The following GSE1 variants were observed in gnomAD, a reference collection of about 807,000 sequenced individuals.
GSE1 encodes the protein genetic suppressor element 1.
Under a neutral mutation model 112.6 loss-of-function variants are expected in GSE1, and 32 were observed. The ratio of observed to expected loss-of-function variants is 0.28; its 90% CI spans 0.21 to 0.38. The LOEUF (loss-of-function observed/expected upper bound fraction) is 0.38. Ranked by LOEUF, GSE1 falls within the 10% of genes least tolerant of loss-of-function variation. GSE1 has a pLI of 1.00. For synonymous variants in GSE1, 1,115 were observed against 735.6 expected, an observed-to-expected ratio of 1.52 and a Z score of -8.35; for missense variants, 2,348 against 1,699.2, an observed-to-expected ratio of 1.38 and a Z score of -6.71.
intron 1 of GSE1, among the ~76,000 whole-genome samples, chr16:85,229,725 G>A (rs762304295): frequency 2.0e-5 from 3 of 152,210 alleles, no homozygotes; most frequent in Admixed American, 6.5e-5. Context: ...AGAGTGGAAA[G>A]CGCAGTTCGC....
chr16:85,191,195 G>C (rs941947843), intron 1 of GSE1, among the ~76,000 whole-genome samples: 39 of 152,284 alleles, frequency 2.6e-4, no homozygotes, highest in African/African-American at 9.4e-4. Context: ...GGGAAGCAGA[G>C]GCTGCAGTGA....
In GSE1 at chr16:85,507,509, A is replaced by G. The variant is rs368160125; in HGVS notation, c.2465-126405A>G. 2.9e-4 allele frequency among the ~76,000 whole-genome samples: 44 copies of G among 152,360 alleles called. 1 individual carries two copies. The South Asian group carries it at 8.9e-3, about 31-fold the overall frequency. Reference sequence around the variant, plus strand: ...GTTGGGGCTGCCATGGCAAAATGCCACACTCTGGCTTGAACAATAGAAATC... The same window carrying G: ...GTTGGGGCTGCCATGGCAAAATGCCGCACTCTGGCTTGAACAATAGAAATC... On this transcript the variant is annotated intron_variant, in intron 2 of 2. Coordinates refer to the GSE1 transcript ENST00000637419.
At chr16:85,620,832 C>T (rs563747825) in intron 1 of GSE1, among the ~76,000 whole-genome samples, 4 of 152,096 alleles carry the variant, frequency 2.6e-5, no homozygotes, top group African/African-American at 9.7e-5. Context: ...TTGGGGAAGC[C>T]GTGTAGATGG....
chr16:85,633,905 C>T lies in GSE1; in HGVS notation c.8-9C>T. On this transcript the variant is annotated splice_polypyrimidine_tract_variant and intron_variant, in intron 1 of 15. Coordinates refer to ENST00000253458, the MANE Select transcript of GSE1 (RefSeq NM_014615.5). ...TGGGTGACCTCTGGTTCTTCTTTTC[C>T]TGTTTCAGGCATGAGCCATGAGCCC... is the stretch of plus-strand genomic sequence containing the variant. The T allele has an allele frequency of 1.2e-6, 2 of 1,604,758 alleles. No individual in the cohort carries two copies. Among genetic ancestry groups the T allele is most frequent in the Non-Finnish European group, 1.7e-6 (2 of 1,174,972 alleles).
rs1195428716 is a variant in GSE1, at chr16:85,419,786, G to C, written c.2464+62143G>C. Among the ~76,000 whole-genome samples, 1 of 149,458 alleles carries C rather than the reference G, an allele frequency of 6.7e-6. No individual in the cohort carries two copies. Among genetic ancestry groups the C allele is most frequent in the Non-Finnish European group, 1.5e-5 (1 of 67,404 alleles). On this transcript the variant is annotated intron_variant, in intron 2 of 2. Transcript: ENST00000637419. This position sits in a 1 kb window ranked among gnomAD's most constrained non-coding sequence, Gnocchi z 6.5. ...CCCGCCCCCACCCCTCCAAGACTCT[G>C]ATGGAAATGGTCCGAGTAGGGCTTC...
chr16:85,542,071 G>A (rs576576211), intron 2 of GSE1, among the ~76,000 whole-genome samples: 12 of 151,860 alleles, frequency 7.9e-5, no homozygotes, highest in African/African-American at 2.9e-4. Context: ...GCCTTCAGCT[G>A]CCCTGCCCCA....
At chr16:85,505,681 C>G (rs894168608) in intron 2 of GSE1, among the ~76,000 whole-genome samples, 1 of 152,068 alleles carries the variant, frequency 6.6e-6, no homozygotes, top group African/African-American at 2.4e-5. Context: ...TGATTGTGAT[C>G]ATGATCACAG....
chr16:85,655,595 C>T, intron 5 of GSE1, 131 bp from the exon 6 acceptor site: 1 of 614,194 alleles, frequency 1.6e-6, no homozygotes, highest in Non-Finnish European at 2.9e-6. Flanking sequence ...GCATGGTCTT[C>T]ATCCCCAGCC....
intron 3 of GSE1, 149 bp from the exon 4 acceptor site, chr16:85,654,129 A>ATGTGG (rs2051691488): frequency 1.4e-6 from 1 of 712,126 alleles, no homozygotes; most frequent in Admixed American, 2.8e-5. Context: ...CACATGCACC[A>ATGTGG]TGTTTTGCGT....
chr16:85,480,967 C>T lies in GSE1; in HGVS notation c.2464+123324C>T, dbSNP rs572447202. Among the ~76,000 whole-genome samples, 13 of 152,394 alleles carry T rather than the reference C, an allele frequency of 8.5e-5. No homozygotes were observed. The South Asian group carries it at 2.3e-3, about 27-fold the overall frequency. Reference sequence around the variant, plus strand: ...TGCAGAACCGCAGGTCTTCCACCCCCTCCTGGGACAGCGTGTGCTGCCTTT... The same window carrying T: ...TGCAGAACCGCAGGTCTTCCACCCCTTCCTGGGACAGCGTGTGCTGCCTTT... On this transcript the variant is annotated intron_variant, in intron 2 of 2. Transcript: ENST00000637419.
At chr16:85,614,961 A>G (rs1172308801) in intron 1 of GSE1, among the ~76,000 whole-genome samples, 1 of 152,194 alleles carries the variant, frequency 6.6e-6, no homozygotes, top group Non-Finnish European at 1.5e-5. Context: ...GGCAGAGAGA[A>G]GGTCTTGGTG....
At chr16:85,476,438 G>A (rs1394022308) in intron 2 of GSE1, among the ~76,000 whole-genome samples, 3 of 152,232 alleles carry the variant, frequency 2.0e-5, no homozygotes, top group African/African-American at 7.2e-5. Context: ...CAGGCAGCCA[G>A]CAATCCTGGA....
At chr16:85,177,434 G>A (rs995373456) in intron 1 of GSE1, among the ~76,000 whole-genome samples, 4 of 152,232 alleles carry the variant, frequency 2.6e-5, no homozygotes, top group African/African-American at 9.6e-5. Context: ...GAAGAGCGTT[G>A]CAGGACTTGC....
chr16:85,205,837 G>A (rs1465565832), intron 1 of GSE1, among the ~76,000 whole-genome samples: 2 of 152,182 alleles, frequency 1.3e-5, no homozygotes, highest in Non-Finnish European at 2.9e-5. Context: ...CAGGTGACAC[G>A]GCTGCCTGAC....
At chr16:85,342,605 G>T (rs1268798453) in intron 1 of GSE1, among the ~76,000 whole-genome samples, 1 of 152,160 alleles carries the variant, frequency 6.6e-6, no homozygotes, top group African/African-American at 2.4e-5. Flanking sequence ...ATGTGTTGAG[G>T]ATCTGTCTCT....
chr16:85,556,523 G>T (rs889336832), intron 1 of GSE1, among the ~76,000 whole-genome samples: 3 of 151,318 alleles, frequency 2.0e-5, no homozygotes, highest in Non-Finnish European at 4.4e-5. Context: ...CTCCCGCTGC[G>T]GTCAAGCCCG....
At chr16:85,328,448 G>T (rs1257764967) in intron 1 of GSE1, among the ~76,000 whole-genome samples, 1 of 152,232 alleles carries the variant, frequency 6.6e-6, no homozygotes, top group Non-Finnish European at 1.5e-5. Context: ...AACAAAGGAA[G>T]CCTGCGGAGG....
At chr16:85,642,184 T>C (rs2050500769) in intron 2 of GSE1, among the ~76,000 whole-genome samples, 1 of 152,238 alleles carries the variant, frequency 6.6e-6, no homozygotes, top group Non-Finnish European at 1.5e-5. Context: ...TGATGCTGCA[T>C]GCCTATAGTC....
intron 1 of GSE1, among the ~76,000 whole-genome samples, chr16:85,329,531 G>A (rs1447623283): frequency 1.3e-5 from 2 of 152,008 alleles, no homozygotes; most frequent in Admixed American, 1.3e-4. Context: ...CTGGCCCCAG[G>A]CCTGGGTCTC....
Sources: gnomAD v4.1 joint callset for allele counts (sites outside exome capture counted in the v4.1 genomes callset) on GRCh38, gnomAD v4.1.1 for gene constraint, Gnocchi (gnomAD v3.1) non-coding constraint, MANE v1.5 for transcripts, NCBI Gene and HGNC (gene_info 2026-07-23, HGNC 2026-07-21) for gene names.